ROPN1: variants seen among roughly 807,000 people sequenced by gnomAD.
ROPN1 encodes the protein rhophilin associated tail protein 1.
In ROPN1, 14 loss-of-function variants were observed where a neutral mutation model predicts 20.5. The ratio of observed to expected loss-of-function variants is 0.68; its 90% CI spans 0.45 to 1.07. The LOEUF is 1.07. Among genes scored for constraint, ROPN1 ranks in the 50% least tolerant of loss-of-function variants. The pLI, the probability that ROPN1 is intolerant of heterozygous loss-of-function variation, is 0.00. For synonymous variants in ROPN1, 76 were observed against 95.7 expected, an observed-to-expected ratio of 0.79 and a Z score of 1.20; for missense variants, 169 against 242.8, an observed-to-expected ratio of 0.70 and a Z score of 2.02.
At chr3:123,975,938 C>A (rs1417936087) in intron 3 of ROPN1, among the ~76,000 whole-genome samples, 1 of 152,146 alleles carries the variant, frequency 6.6e-6, no homozygotes, top group African/African-American at 2.4e-5. Context: ...AAAATTAGAA[C>A]AAGACATAGG....
chr3:123,980,504 G>A lies in ROPN1; in HGVS notation c.-12-11C>T. The A allele has an allele frequency of 1.2e-6, 2 of 1,609,178 alleles. No individual in the cohort carries two copies. The highest frequency in any genetic ancestry group is 1.1e-5 in the South Asian group (1 of 90,896). On this transcript the variant is annotated splice_polypyrimidine_tract_variant and intron_variant, in intron 1 of 5. Coordinates refer to ENST00000405845, the MANE Select transcript of ROPN1 (RefSeq NM_001317774.2). ...CATTGATTGGTTGGCCTATTCTCAGGAGAAAAAAATACGTTAAGATGAAAA... is the reference window on the plus strand; with the variant it reads ...CATTGATTGGTTGGCCTATTCTCAGAAGAAAAAAATACGTTAAGATGAAAA...
At chr3:123,981,839 T>C (rs2038155336) in intron 1 of ROPN1, among the ~76,000 whole-genome samples, 1 of 152,144 alleles carries the variant, frequency 6.6e-6, no homozygotes, top group African/African-American at 2.4e-5. Context: ...GTTAGAAAAG[T>C]TATAACAGTA....
chr3:123,980,671 T>C (rs2038124462), intron 1 of ROPN1, 178 bp from the exon 2 acceptor site: 1 of 527,010 alleles, frequency 1.9e-6, no homozygotes, highest in Non-Finnish European at 3.3e-6. Flanking sequence ...TAACCCCTAC[T>C]TTTTGTTGGA....
At chr3:123,987,600 A>G (rs1296731718) in intron 1 of ROPN1, among the ~76,000 whole-genome samples, 1 of 152,102 alleles carries the variant, frequency 6.6e-6, no homozygotes, top group South Asian at 2.1e-4. Flanking sequence ...GATCTCCCCA[A>G]TTTGCCTTAT....
chr3:123,984,573 G>A (rs973566914), intron 1 of ROPN1, among the ~76,000 whole-genome samples: 1 of 152,128 alleles, frequency 6.6e-6, no homozygotes, highest in Admixed American at 6.5e-5. Context: ...TGTTCAGTGT[G>A]TCCAGATCTA....
intron 3 of ROPN1, among the ~76,000 whole-genome samples, chr3:123,976,152 G>A (rs1168939952): frequency 6.6e-6 from 1 of 152,198 alleles, no homozygotes; most frequent in Non-Finnish European, 1.5e-5. Flanking sequence ...AAGGTGACTG[G>A]TTGTTGGCCA....
At chr3:123,985,972 G>T in intron 1 of ROPN1, among the ~76,000 whole-genome samples, 1 of 91,532 alleles carries the variant, frequency 1.1e-5, no homozygotes, top group Non-Finnish European at 1.9e-5. Context: ...TAGCCTGGGT[G>T]ACAGAGCAAG....
At chr3:123,976,073 G>A (rs1190990269) in intron 3 of ROPN1, among the ~76,000 whole-genome samples, 4 of 152,250 alleles carry the variant, frequency 2.6e-5, no homozygotes, top group East Asian at 1.9e-4. Flanking sequence ...GCCTAATGTT[G>A]CTTGATCCCA....
chr3:123,986,433 T>C (rs1249966828), intron 1 of ROPN1, among the ~76,000 whole-genome samples: 1 of 152,098 alleles, frequency 6.6e-6, no homozygotes, highest in African/African-American at 2.4e-5. Flanking sequence ...ATGGAGACTG[T>C]GTGTGCTGTT....
intron 1 of ROPN1, 188 bp from the exon 2 acceptor site, chr3:123,980,681 A>C (rs1441921372): frequency 9.5e-6 from 5 of 527,982 alleles, no homozygotes; most frequent in Non-Finnish European, 1.7e-5. Context: ...TTTTTGTTGG[A>C]AATAGTTATG....
Position 123,970,076 on chromosome 3 carries a change from CAT to C in ROPN1, c.536_537del (p.His179ArgfsTer16), listed in dbSNP as rs757973469. ...AKVDGEISASHVSRMLNYMEQ... is the reference protein window; with the variant it reads ...AKVDGEISASXVSRMLNYMEQ... ...TCCATGTAGTTTAGCATCCTGCTGA[CAT>C]GTGATGCAGAGATCTCCCCATCCAC... On this transcript the variant is annotated frameshift_variant, in exon 5 of 6. Coordinates refer to ENST00000405845, the MANE Select transcript of ROPN1 (RefSeq NM_001317774.2). LOFTEE classifies it high-confidence loss of function. 1.9e-6 allele frequency: 3 copies of C among 1,614,074 alleles called. No individual in the cohort carries two copies. The highest frequency in any genetic ancestry group is 2.5e-6 in the Non-Finnish European group (3 of 1,180,052).
intron 5 of ROPN1, 25 bp downstream of exon 5, chr3:123,970,017 C>T: frequency 6.2e-7 from 1 of 1,608,974 alleles, no homozygotes; most frequent in South Asian, 1.1e-5. Flanking sequence ...ATTCTTTCAC[C>T]TCCACTTGAC....
chr3:123,970,143 C>T lies in ROPN1; in HGVS notation c.471G>A (p.Pro157=), dbSNP rs1422178796. The T allele has an allele frequency of 9.3e-6, 15 of 1,614,102 alleles. No individual in the cohort carries two copies. Among genetic ancestry groups the T allele is most frequent in the Middle Eastern group, 1.6e-4 (1 of 6,062 alleles). The change falls in exon 5 of 6, where the codon CCG becomes CCA. Residue 157 remains proline, a synonymous_variant. Transcript: ENST00000405845. ...TGTAGAGAAACTGGAAGGTGCTGAA[C>T]GGGATCCGGGGCGACCCACCATTAT... is the stretch of plus-strand genomic sequence containing the variant. ...CDHNGGSPRI[P]FSTFQFLYTY... is the part of the protein sequence containing the mutation.
chr3:123,986,018 A>AAAAAAAAAAAAAAAAAAAAAAAAAT lies in ROPN1; in HGVS notation c.-12-5526_-12-5525insATTTTTTTTTTTTTTTTTTTTTTTT, dbSNP rs201340337. On this transcript the variant is annotated intron_variant, in intron 1 of 5. Transcript: ENST00000405845. ...AAAAAAAAAAAAAAAAAAAAAAAAA[A>AAAAAAAAAAAAAAAAAAAAAAAAAT]TCAAAATATTTAAATTATACTTGAA... Among the ~76,000 whole-genome samples, 107 of 93,984 alleles carry AAAAAAAAAAAAAAAAAAAAAAAAAT rather than the reference A, an allele frequency of 1.1e-3. 33 individuals are homozygous for AAAAAAAAAAAAAAAAAAAAAAAAAT. In the East Asian group the frequency reaches 0.023, roughly 20 times the overall value. 61.7% of individuals were successfully genotyped at this position (93,984 alleles called of 152,430 possible). A position where few individuals can be genotyped will look rare whatever the true frequency, so the allele number is the denominator to read the frequency against.
chr3:123,980,649 A>C, intron 1 of ROPN1, 156 bp from the exon 2 acceptor site: 1 of 567,936 alleles, frequency 1.8e-6, no homozygotes, highest in Non-Finnish European at 3.0e-6. Flanking sequence ...CCAAGGTTAG[A>C]AAACCATCTG....
At chr3:123,974,917 T>TC (rs2037989765) in intron 4 of ROPN1, 1 of 184,024 alleles carries the variant, frequency 5.4e-6, no homozygotes, top group Non-Finnish European at 1.2e-5. Flanking sequence ...GCCTCATCTC[T>TC]CTTTTTTTTT....
At chr3:123,976,047 GGGATTT>G (rs1423662864) in intron 3 of ROPN1, among the ~76,000 whole-genome samples, 1 of 152,160 alleles carries the variant, frequency 6.6e-6, no homozygotes, top group Non-Finnish European at 1.5e-5. Flanking sequence ...CTGACCTGTG[GGGATTT>G]GGTCTGGATG....
intron 2 of ROPN1, chr3:123,979,741 C>G: frequency 2.8e-6 from 1 of 359,514 alleles, no homozygotes; most frequent in African/African-American, 2.1e-5. Context: ...GTGTACTGTG[C>G]GGACATCTTT....
Position 123,980,360 on chromosome 3 carries a change from A to C in ROPN1, c.116+6T>G. The C allele has an allele frequency of 6.2e-7, 1 of 1,614,060 alleles. No homozygotes were observed. Among genetic ancestry groups the C allele is most frequent in the South Asian group, 1.1e-5 (1 of 91,086 alleles). ...CAAGGGGTGAAGGCGAGAAAGGAGC[A>C]CGTACTCGGCTGCCCACTGGATGAG... is the stretch of plus-strand genomic sequence containing the variant. On this transcript the variant is annotated splice_donor_region_variant and intron_variant, in intron 2 of 5. Transcript: ENST00000405845.
Sources: gnomAD v4.1 joint callset for allele counts (sites outside exome capture counted in the v4.1 genomes callset) on GRCh38, gnomAD v4.1.1 for gene constraint, MANE v1.5 for transcripts, NCBI Gene and HGNC (gene_info 2026-07-23, HGNC 2026-07-21) for gene names.